ARAP1: variants seen among roughly 807,000 people sequenced by gnomAD.
The protein encoded by ARAP1 is ArfGAP with RhoGAP domain, ankyrin repeat and PH domain 1.
A neutral mutation model predicts 172.2 loss-of-function variants in ARAP1; 76 were observed. The observed-to-expected ratio is 0.44, with a 90% CI of 0.37 to 0.53. The LOEUF (loss-of-function observed/expected upper bound fraction) is 0.53, where lower values mean the gene tolerates loss of function less well. Ranked by LOEUF, ARAP1 falls within the 20% of genes least tolerant of loss-of-function variation. The pLI is 0.00. For synonymous variants in ARAP1, 804 were observed against 803.3 expected (o/e 1.00, Z -0.01); for missense variants, 1,686 against 1,977.5 (o/e 0.85, Z 2.80).
In ARAP1 at chr11:72,697,310, G is replaced by A. The variant is rs779469501; in HGVS notation, c.2953+13C>T. On this transcript the variant is annotated intron_variant, in intron 21 of 34. Coordinates refer to ENST00000393609, the MANE Select transcript of ARAP1 (RefSeq NM_001040118.3). ...GGGAGGGGCGGGGCTGGCACCCTAG[G>A]GGCAGGGCTCACCGCACTGCGTGAT... The A allele has an allele frequency of 2.5e-6, 4 of 1,578,988 alleles. No individual in the cohort carries two copies. In the Admixed American group the frequency reaches 7.4e-5, roughly 29 times the overall value.
intron 2 of ARAP1, among the ~76,000 whole-genome samples, chr11:72,729,003 G>A (rs538867803): frequency 6.6e-6 from 1 of 152,300 alleles, no homozygotes; most frequent in Admixed American, 6.5e-5. Context: ...TAAAGAGTAG[G>A]AGTCAACCTC....
chr11:72,707,434 A>G lies in ARAP1; in HGVS notation c.1524-60T>C, dbSNP rs1270751968. On this transcript the variant is annotated intron_variant, in intron 11 of 34. Transcript: ENST00000393609. ...GGACTCAGAGGGATTTGGGGGCAGC[A>G]TGAGGATGCACAGAATGAAGTGGGG... The G allele has an allele frequency of 4.7e-6, 7 of 1,489,146 alleles. No individual in the cohort carries two copies. The Admixed American group carries it at 1.1e-4, about 23-fold the overall frequency. The allele number at this position is 1,489,146 out of a possible 1,614,324, so 92.2% of individuals were successfully genotyped here. A position where few individuals can be genotyped will look rare whatever the true frequency, so the allele number is the denominator to read the frequency against.
intron 22 of ARAP1, 31 bp from the exon 23 acceptor site, chr11:72,696,685 C>A (rs749155509): frequency 3.3e-6 from 5 of 1,535,376 alleles, no homozygotes; most frequent in East Asian, 4.6e-5. Context: ...AAGTCAGAAA[C>A]CCCCTGTAAC....
chr11:72,712,368 G>A (rs373375086), intron 6 of ARAP1, 29 bp from the exon 7 acceptor site: 45 of 1,540,296 alleles, frequency 2.9e-5, no homozygotes, highest in African/African-American at 6.8e-5. Flanking sequence ...ATGGGGGGCC[G>A]GGCTGAGGAG....
At chr11:72,740,837 T>C (rs986399601) in intron 1 of ARAP1, among the ~76,000 whole-genome samples, 2 of 152,046 alleles carry the variant, frequency 1.3e-5, no homozygotes, top group Non-Finnish European at 2.9e-5. Flanking sequence ...AGGTTTGTCC[T>C]CAAGACACCA....
intron 1 of ARAP1, among the ~76,000 whole-genome samples, chr11:72,735,146 A>G (rs1014098812): frequency 1.3e-5 from 2 of 151,936 alleles, no homozygotes; most frequent in Non-Finnish European, 2.9e-5. Flanking sequence ...ACGCCCGGCT[A>G]ATTTTTCCAT....
chr11:72,702,792 T>C (rs1356606006), intron 15 of ARAP1, 113 bp downstream of exon 15: 8 of 1,344,788 alleles, frequency 5.9e-6, no homozygotes, highest in Non-Finnish European at 6.0e-6. Flanking sequence ...AGCTCACACA[T>C]GATTTATCAC....
At chr11:72,747,689 G>A (rs1049818596) in intron 1 of ARAP1, among the ~76,000 whole-genome samples, 2 of 152,218 alleles carry the variant, frequency 1.3e-5, no homozygotes, top group African/African-American at 4.8e-5. Context: ...TGGGGTCTGG[G>A]AGAACCACTG....
chr11:72,687,614 T>A (rs546111421), intron 32 of ARAP1, 74 bp downstream of exon 32: 2 of 1,612,842 alleles, frequency 1.2e-6, no homozygotes, highest in East Asian at 4.5e-5. Context: ...TGGGCAGTGA[T>A]GAGGGACACA....
In ARAP1 at chr11:72,747,538, C is replaced by T. The variant is rs77507630; in HGVS notation, c.-128+4790G>A. ...AAGGAAGCTCAACACTTCAGGAAGC[C>T]CCAACCAGGCCTCAAGCAGAGAGGT... is the stretch of plus-strand genomic sequence containing the variant. On this transcript the variant is annotated intron_variant, in intron 1 of 34. Coordinates refer to ENST00000393609, the MANE Select transcript of ARAP1 (RefSeq NM_001040118.3). Among the ~76,000 whole-genome samples, 251 of 152,220 alleles carry T rather than the reference C, an allele frequency of 1.6e-3. 1 individual carries two copies. The highest frequency in any genetic ancestry group is 5.8e-3 in the African/African-American group (239 of 41,526).
In ARAP1 at chr11:72,696,661, G is replaced by A. The variant is rs1225993198; in HGVS notation, c.3167-7C>T. Reference sequence around the variant, plus strand: ...TCCTCCTCGTCCTCAATCTCTGGGTGGGAAAGATAAATCAAGTCAGAAACC... The same window carrying A: ...TCCTCCTCGTCCTCAATCTCTGGGTAGGAAAGATAAATCAAGTCAGAAACC... On this transcript the variant is annotated splice_region_variant and splice_polypyrimidine_tract_variant and intron_variant, in intron 22 of 34. Coordinates refer to ENST00000393609, the MANE Select transcript of ARAP1 (RefSeq NM_001040118.3). 6 of 1,577,842 alleles carry A rather than the reference G, an allele frequency of 3.8e-6. 1 individual carries two copies. The highest frequency in any genetic ancestry group is 3.4e-5 in the South Asian group (3 of 87,380).
intron 31 of ARAP1, 42 bp downstream of exon 31, chr11:72,688,412 CA>C: frequency 6.4e-7 from 1 of 1,569,346 alleles, no homozygotes; most frequent in Non-Finnish European, 8.7e-7. Flanking sequence ...TCTGAGCCCC[CA>C]TAAGCCCCAG....
chr11:72,721,579 T>C (rs1394487927), intron 3 of ARAP1, among the ~76,000 whole-genome samples: 1 of 151,600 alleles, frequency 6.6e-6, no homozygotes, highest in Non-Finnish European at 1.5e-5. Flanking sequence ...GGGCTCCTGG[T>C]GGACCCAGGA....
intron 30 of ARAP1, among the ~76,000 whole-genome samples, chr11:72,692,173 C>T (rs1406197694): frequency 6.6e-6 from 1 of 152,130 alleles, no homozygotes; most frequent in Non-Finnish European, 1.5e-5. Flanking sequence ...AGAACCTGAG[C>T]AAGGACCTTT....
chr11:72,722,585 C>T (rs922688495), intron 3 of ARAP1, among the ~76,000 whole-genome samples: 1 of 152,228 alleles, frequency 6.6e-6, no homozygotes, highest in African/African-American at 2.4e-5. Context: ...GCAAGTTCTG[C>T]CCTGGCAACA....
Position 72,710,615 on chromosome 11 carries a change from C to A in ARAP1, c.1214-28G>T. The A allele has an allele frequency of 6.3e-7, 1 of 1,578,274 alleles. No individual in the cohort carries two copies. Among genetic ancestry groups the A allele is most frequent in the East Asian group, 2.3e-5 (1 of 44,240 alleles). The stretch of plus-strand genomic sequence containing the variant: ...GCAGGAGAAGGGTAGAGGAGTAAGC[C>A]CAAGGTTGCAGGGAGCCCCTCAGGG... On this transcript the variant is annotated intron_variant, in intron 9 of 34. Transcript: ENST00000393609. This position sits in a 1 kb window ranked among gnomAD's most constrained non-coding sequence, Gnocchi z 4.3.
intron 3 of ARAP1, chr11:72,722,351 C>T (rs1470463495): frequency 2.4e-5 from 24 of 985,338 alleles, no homozygotes; most frequent in African/African-American, 2.3e-4. Context: ...ACTGAGAAAG[C>T]GAAAAGTCAC....
rs572212453 is a variant in ARAP1, at chr11:72,719,498, G to A, written c.510-5177C>T. Among the ~76,000 whole-genome samples the A allele has an allele frequency of 3.2e-3, 485 of 152,274 alleles. 6 individuals are homozygous for A. The highest frequency in any genetic ancestry group is 3.6e-3 in the Non-Finnish European group (244 of 68,026). ...CAGGTCCCTTCCTCTCCGAGCCTCA[G>A]TCTCCAGGCTTACTGATAATTCAGT... On this transcript the variant is annotated intron_variant, in intron 3 of 34. Transcript: ENST00000393609.
rs1257095257 is a variant in ARAP1 at position 72,712,339 on chromosome 11, A to G, written c.879T>C (p.Asn293=). 2 of 1,549,076 alleles carry G rather than the reference A, an allele frequency of 1.3e-6. No homozygotes were observed. Among genetic ancestry groups the G allele is most frequent in the East Asian group, 4.6e-5 (2 of 43,930 alleles). ...TCAGGCTGCTGGTATGCCATCCGCCACTAGCGAGAGATGAGGGGATGGGGG... is the reference window on the plus strand; with the variant it reads ...TCAGGCTGCTGGTATGCCATCCGCCGCTAGCGAGAGATGAGGGGATGGGGG... ...EDDHAYEGVP[N]GGWHTSSLSL... Residue 293 remains asparagine, a splice_region_variant and synonymous_variant, in exon 7 of 35, where the codon AAT becomes AAC. Coordinates refer to ENST00000393609, the MANE Select transcript of ARAP1 (RefSeq NM_001040118.3).
Sources: gnomAD v4.1 joint callset for allele counts (sites outside exome capture counted in the v4.1 genomes callset) on GRCh38, gnomAD v4.1.1 for gene constraint, Gnocchi (gnomAD v3.1) non-coding constraint, MANE v1.5 for transcripts, NCBI Gene and HGNC (gene_info 2026-07-23, HGNC 2026-07-21) for gene names.